The following HDAC9 variants were observed in gnomAD, a reference collection of about 807,000 sequenced individuals.
HDAC9 encodes the protein MEF-2 interacting transcription repressor (MITR) protein.
A neutral mutation model predicts 139.4 loss-of-function variants in HDAC9; 41 were observed. That is an observed-to-expected ratio of 0.29 (90% CI 0.23 to 0.38). The LOEUF is 0.38. Among genes scored for constraint, HDAC9 ranks in the 10% least tolerant of loss-of-function variants. HDAC9 has a pLI of 1.00. For missense variants in HDAC9, 1,147 were observed against 1,297.0 expected (o/e 0.88, Z 1.78); for synonymous variants, 517 against 476.2 (o/e 1.09, Z -1.12).
At position 18,987,304 on chromosome 7, in the gene HDAC9, TTCTGCATCTA is replaced by T. The variant is rs1296694289; in HGVS notation, c.3171-8717_3171-8708del. ...GTTGTTGAATTTTGTCAGAGGCCTT[TTCTGCATCTA>T]TTGAGATTATCATGTGGCTTTTGTC... is the stretch of plus-strand genomic sequence containing the variant. On this transcript the variant is annotated intron_variant, in intron 25 of 25. Transcript: ENST00000686413. Among the ~76,000 whole-genome samples the T allele has an allele frequency of 2.6e-5, 4 of 152,390 alleles. No homozygotes were observed. The South Asian group carries it at 8.3e-4, about 32-fold the overall frequency.
chr7:18,108,784 G>A (rs905459519), intron 1 of HDAC9, among the ~76,000 whole-genome samples: 1 of 151,838 alleles, frequency 6.6e-6, no homozygotes, highest in Non-Finnish European at 1.5e-5. Context: ...ACCACACCCA[G>A]CTAATTTTTG....
At chr7:18,234,780 C>G (rs962303194) in intron 2 of HDAC9, among the ~76,000 whole-genome samples, 11 of 152,164 alleles carry the variant, frequency 7.2e-5, no homozygotes, top group South Asian at 2.1e-4. Context: ...ATTTGAGAAA[C>G]CACAGAAGTA....
Position 18,916,014 on chromosome 7 carries a change from C to A in HDAC9, c.2804-19795C>A, listed in dbSNP as rs1243347456. On this transcript the variant is annotated intron_variant, in intron 22 of 25. Transcript: ENST00000686413. ...CTTTAAAACAGACCCTCCTCTCACC[C>A]CCCGCTGGAAAAAAAAAAAAAAAAC... 5.0e-5 allele frequency among the ~76,000 whole-genome samples: 4 copies of A among 80,112 alleles called. No individual in the cohort carries two copies. The East Asian group carries it at 1.3e-3, about 27-fold the overall frequency. The allele number at this position is 80,112 out of a possible 152,430, so 52.6% of individuals were successfully genotyped here.
chr7:18,176,359 G>T (rs1263553161), intron 2 of HDAC9, among the ~76,000 whole-genome samples: 1 of 152,102 alleles, frequency 6.6e-6, no homozygotes, highest in Non-Finnish European at 1.5e-5. Flanking sequence ...ATCTCTGTCT[G>T]ATAAGGAAAA....
intron 2 of HDAC9, among the ~76,000 whole-genome samples, chr7:18,245,038 G>A (rs1190026066): frequency 2.5e-5 from 1 of 40,570 alleles, no homozygotes; most frequent in Non-Finnish European, 5.5e-5. Flanking sequence ...TGCATTCCAA[G>A]CTTATTCAGT....
At chr7:18,645,091 T>C (rs1786954296) in intron 9 of HDAC9, among the ~76,000 whole-genome samples, 1 of 152,122 alleles carries the variant, frequency 6.6e-6, no homozygotes, top group Non-Finnish European at 1.5e-5. Flanking sequence ...ACAGCCATCC[T>C]GTGAAACAGA....
intron 22 of HDAC9, among the ~76,000 whole-genome samples, chr7:18,903,063 C>T (rs1016747236): frequency 3.3e-5 from 5 of 152,170 alleles, no homozygotes; most frequent in African/African-American, 1.2e-4. Flanking sequence ...AATTTTCTTG[C>T]ATGAGCAATT....
At chr7:18,303,803 G>T (rs1028850952) in intron 1 of HDAC9, among the ~76,000 whole-genome samples, 1 of 152,268 alleles carries the variant, frequency 6.6e-6, no homozygotes, top group South Asian at 2.1e-4. Flanking sequence ...TGTTAGTTAG[G>T]CTCCATGTTC....
chr7:18,908,030 A>G (rs1802417710), intron 22 of HDAC9, among the ~76,000 whole-genome samples: 1 of 152,150 alleles, frequency 6.6e-6, no homozygotes, highest in African/African-American at 2.4e-5. Context: ...ACTGCCTCTT[A>G]CAATATAGTA....
At chr7:18,587,788 A>T (rs2128809970) in intron 3 of HDAC9, among the ~76,000 whole-genome samples, 2 of 152,344 alleles carry the variant, frequency 1.3e-5, no homozygotes, top group East Asian at 3.9e-4. Flanking sequence ...TAGAGGGCTA[A>T]AGTTTTATTT....
chr7:18,728,701 G>A (rs1235310989), intron 13 of HDAC9, among the ~76,000 whole-genome samples: 1 of 152,044 alleles, frequency 6.6e-6, no homozygotes, highest in Non-Finnish European at 1.5e-5. Flanking sequence ...GCTTGTTTTT[G>A]TGGCTTCTGT....
At chr7:18,562,624 C>A (rs1418948045) in intron 2 of HDAC9, among the ~76,000 whole-genome samples, 2 of 152,102 alleles carry the variant, frequency 1.3e-5, no homozygotes, top group Non-Finnish European at 2.9e-5. Flanking sequence ...ATCTGTCCTT[C>A]TGCCAGTACT....
chr7:18,173,031 G>C (rs1009426729), intron 2 of HDAC9, among the ~76,000 whole-genome samples: 3 of 152,138 alleles, frequency 2.0e-5, no homozygotes, highest in Non-Finnish European at 4.4e-5. Context: ...TCGTTGATCT[G>C]TCTAATATTA....
intron 12 of HDAC9, among the ~76,000 whole-genome samples, chr7:18,673,134 A>G (rs1434611351): frequency 6.6e-6 from 1 of 151,950 alleles, no homozygotes; most frequent in Admixed American, 6.6e-5. Context: ...TTTTATGTTG[A>G]AGCCAGGTGT....
intron 1 of HDAC9, among the ~76,000 whole-genome samples, chr7:18,094,472 G>C (rs1413562269): frequency 7.1e-6 from 1 of 140,152 alleles, no homozygotes; most frequent in African/African-American, 2.7e-5. Flanking sequence ...GCAGGGTCTT[G>C]CTCTACTCCC....
chr7:18,377,228 T>G (rs993062842), intron 1 of HDAC9, among the ~76,000 whole-genome samples: 2 of 152,104 alleles, frequency 1.3e-5, no homozygotes, highest in African/African-American at 4.8e-5. Context: ...GGGGTCTCTT[T>G]TATAAGGGCA....
intron 1 of HDAC9, among the ~76,000 whole-genome samples, chr7:18,089,404 ATTGT>A (rs963324514): frequency 1.3e-4 from 20 of 152,174 alleles, no homozygotes; most frequent in African/African-American, 3.4e-4. Context: ...GATTTTTGTG[ATTGT>A]TTGGTGACCA....
intron 13 of HDAC9, among the ~76,000 whole-genome samples, chr7:18,731,718 C>T (rs185722162): frequency 2.8e-4 from 43 of 152,210 alleles, no homozygotes; most frequent in Admixed American, 2.7e-3. Flanking sequence ...CTCCGCCTCC[C>T]GGGTTCAAGT....
At chr7:18,951,246 A>G (rs1477131839) in intron 23 of HDAC9, among the ~76,000 whole-genome samples, 1 of 152,024 alleles carries the variant, frequency 6.6e-6, no homozygotes, top group Non-Finnish European at 1.5e-5. Flanking sequence ...TAGAATGTAT[A>G]TGGTATATGC....
Sources: gnomAD v4.1 joint callset for allele counts (sites outside exome capture counted in the v4.1 genomes callset) on GRCh38, gnomAD v4.1.1 for gene constraint, MANE v1.5 for transcripts, NCBI Gene and HGNC (gene_info 2026-07-23, HGNC 2026-07-21) for gene names.